Variants in HNRNPM observed in about 807,000 individuals in gnomAD.
HNRNPM encodes heterogeneous nuclear ribonucleoprotein M.
Under a neutral mutation model 73.1 loss-of-function variants are expected in HNRNPM, and 11 were observed. That is an observed-to-expected ratio of 0.15 (90% CI 0.09 to 0.25). The LOEUF (loss-of-function observed/expected upper bound fraction) is 0.25. Ranked by LOEUF, HNRNPM falls within the 10% of genes least tolerant of loss-of-function variation. HNRNPM has a pLI of 1.00. For synonymous variants in HNRNPM, 407 were observed against 355.2 expected (o/e 1.15, Z -1.64); for missense variants, 789 against 1,067.9 (o/e 0.74, Z 3.64).
At chr19:8,468,313 A>C (rs1286144159) in intron 8 of HNRNPM, among the ~76,000 whole-genome samples, 2 of 152,214 alleles carry the variant, frequency 1.3e-5, no homozygotes. Flanking sequence ...ATCTTAATAA[A>C]CATTTGCTCT....
intron 14 of HNRNPM, among the ~76,000 whole-genome samples, chr19:8,486,770 G>A (rs1340295630): frequency 1.3e-5 from 2 of 152,238 alleles, no homozygotes; most frequent in African/African-American, 2.4e-5. Flanking sequence ...ACTGTGGGCT[G>A]CGCACCGCAG....
chr19:8,457,119 CT>C (rs1969078837), intron 2 of HNRNPM, among the ~76,000 whole-genome samples: 1 of 152,180 alleles, frequency 6.6e-6, no homozygotes. Context: ...AGGAATGTGG[CT>C]TTGAAAATGC....
intron 2 of HNRNPM, among the ~76,000 whole-genome samples, chr19:8,455,782 CCT>C (rs925868844): frequency 8.0e-5 from 12 of 150,860 alleles, no homozygotes; most frequent in African/African-American, 2.9e-4. Flanking sequence ...TGGTCATACC[CCT>C]GTGTGTCAAA....
At chr19:8,484,464 C>T (rs1345013796) in intron 13 of HNRNPM, among the ~76,000 whole-genome samples, 3 of 152,242 alleles carry the variant, frequency 2.0e-5, no homozygotes, top group African/African-American at 7.2e-5. Flanking sequence ...TGAGCCACCA[C>T]ACCCAGCTGC....
chr19:8,468,387 A>G (rs1969902372), intron 8 of HNRNPM, among the ~76,000 whole-genome samples: 3 of 152,214 alleles, frequency 2.0e-5, no homozygotes, highest in South Asian at 4.1e-4. Flanking sequence ...AGGGCAGTCT[A>G]GTTGGGACTC....
In HNRNPM at chr19:8,486,058, A is replaced by G. The variant is rs1237416741; in HGVS notation, c.1630A>G (p.Met544Val). 1.2e-5 allele frequency: 20 copies of G among 1,605,934 alleles called. No homozygotes were observed. Among genetic ancestry groups the G allele is most frequent in the Non-Finnish European group, 1.6e-5 (19 of 1,179,518 alleles). The stretch of plus-strand genomic sequence containing the variant: ...AGGTATGGGAGCTGGCCTGGAGCGC[A>G]TGGGCCCCGTGATGGATCGCATGGC... ...PAGMGAGLER[M>V]GPVMDRMATG... Residue 544 changes from methionine to valine, a missense_variant, in exon 14 of 16, where the codon ATG (methionine) becomes GTG (valine). By Grantham distance (21) the Met-to-Val change is conservative. Coordinates refer to ENST00000325495, the MANE Select transcript of HNRNPM (RefSeq NM_005968.5).
chr19:8,485,684 T>C lies in HNRNPM; in HGVS notation c.1256T>C (p.Met419Thr). ...DRLGGAGMER[M>T]GAGLGHGMDR... ...CTCGGGGGTGCCGGCATGGAGCGCA[T>C]GGGCGCGGGCCTGGGCCACGGCATG... is the stretch of plus-strand genomic sequence containing the variant. The change falls in exon 14 of 16, where the codon ATG becomes ACG. Residue 419 changes from methionine (M) to threonine (T), a missense_variant. By Grantham distance (81) the Met-to-Thr change is moderately conservative. Coordinates refer to ENST00000325495, the MANE Select transcript of HNRNPM (RefSeq NM_005968.5). 6.2e-7 allele frequency: 1 copy of C among 1,607,902 alleles called. No homozygotes were observed. The highest frequency in any genetic ancestry group is 8.5e-7 in the Non-Finnish European group (1 of 1,179,678).
chr19:8,478,668 T>A (rs992774972), intron 12 of HNRNPM, among the ~76,000 whole-genome samples: 1 of 152,210 alleles, frequency 6.6e-6, no homozygotes, highest in African/African-American at 2.4e-5. Context: ...TATTGCTATA[T>A]CAGTAGCATT....
At chr19:8,478,481 C>G (rs1312152399) in intron 12 of HNRNPM, among the ~76,000 whole-genome samples, 1 of 152,050 alleles carries the variant, frequency 6.6e-6, no homozygotes, top group Non-Finnish European at 1.5e-5. Context: ...AGCCTCTTGG[C>G]AGAGGAATGA....
chr19:8,471,909 ACGCC>A (rs1970167395), intron 10 of HNRNPM, among the ~76,000 whole-genome samples: 1 of 152,230 alleles, frequency 6.6e-6, no homozygotes, highest in Non-Finnish European at 1.5e-5. Flanking sequence ...ACGGTGGCTC[ACGCC>A]TGTAATCCCA....
chr19:8,484,410 T>C (rs956139493), intron 13 of HNRNPM, among the ~76,000 whole-genome samples: 2 of 152,034 alleles, frequency 1.3e-5, no homozygotes, highest in Non-Finnish European at 2.9e-5. Context: ...CTCCTGACCT[T>C]GTTCCGCCCG....
chr19:8,487,904 A>T (rs1238085076), intron 15 of HNRNPM: 1 of 152,280 alleles, frequency 6.6e-6, no homozygotes, highest in Non-Finnish European at 1.5e-5. Context: ...CCCAGCCCCC[A>T]CTTTTGCAAT....
intron 1 of HNRNPM, among the ~76,000 whole-genome samples, chr19:8,447,466 C>CT (rs1467809795): frequency 4.6e-5 from 7 of 152,208 alleles, no homozygotes; most frequent in South Asian, 2.1e-4. Context: ...CCGCCACCTG[C>CT]TGGGGGCAGG....
intron 1 of HNRNPM, among the ~76,000 whole-genome samples, chr19:8,450,823 A>G (rs1181355930): frequency 6.7e-6 from 1 of 149,878 alleles, no homozygotes. Context: ...CTCCCGTTCA[A>G]GTGATTCTCC....
intron 9 of HNRNPM, among the ~76,000 whole-genome samples, chr19:8,469,625 C>T (rs1468639108): frequency 6.6e-6 from 1 of 152,192 alleles, no homozygotes; most frequent in Admixed American, 6.5e-5. Flanking sequence ...AATATTAGTG[C>T]AGAGTCATAG....
intron 8 of HNRNPM, among the ~76,000 whole-genome samples, chr19:8,468,033 A>G (rs748619094): frequency 2.0e-5 from 3 of 151,964 alleles, no homozygotes; most frequent in Non-Finnish European, 4.4e-5. Flanking sequence ...TCTCAAGAAA[A>G]AAAAAGAAGA....
chr19:8,458,815 G>C (rs746220807), intron 2 of HNRNPM, among the ~76,000 whole-genome samples: 49 of 152,170 alleles, frequency 3.2e-4, no homozygotes, highest in Non-Finnish European at 6.9e-4. Context: ...CTCCATCTTG[G>C]CTCCTGGAGA....
At chr19:8,484,122 C>G (rs1231194596) in intron 13 of HNRNPM, among the ~76,000 whole-genome samples, 1 of 150,918 alleles carries the variant, frequency 6.6e-6, no homozygotes, top group African/African-American at 2.4e-5. Context: ...CTCCTGACTT[C>G]TGTGTTGGGC....
chr19:8,474,079 C>T lies in HNRNPM; in HGVS notation c.1043-88C>T, dbSNP rs1970339623. 8 of 913,042 alleles carry T rather than the reference C, an allele frequency of 8.8e-6. No individual in the cohort carries two copies. In the East Asian group the frequency reaches 2.3e-4, roughly 26 times the overall value. 56.6% of individuals were successfully genotyped at this position (913,042 alleles called of 1,614,324 possible). A position where few individuals can be genotyped will look rare whatever the true frequency, so the allele number is the denominator to read the frequency against. ...GGTAAGTTCTTGGCAGAAGATACCC[C>T]AGTTGAAACATGTGATAGAATTTTT... On this transcript the variant is annotated intron_variant, in intron 11 of 15. Transcript: ENST00000325495.
Sources: allele counts gnomAD v4.1 joint callset (sites outside exome capture counted in the v4.1 genomes callset), GRCh38; gene constraint gnomAD v4.1.1; transcripts MANE v1.5; gene names NCBI Gene and HGNC (gene_info 2026-07-23, HGNC 2026-07-21).